The following PIP5K1B variants were observed in gnomAD, a reference collection of about 807,000 sequenced individuals.
PIP5K1B encodes the protein phosphatidylinositol 4-phosphate 5-kinase type-1 beta.
In PIP5K1B, 42 loss-of-function variants were observed where a neutral mutation model predicts 67.0. The observed-to-expected ratio is 0.63, with a 90% confidence interval of 0.49 to 0.81. PIP5K1B has a LOEUF of 0.81. Among genes scored for constraint, PIP5K1B ranks in the 30% least tolerant of loss-of-function variants. The pLI, the probability that PIP5K1B is intolerant of heterozygous loss-of-function variation, is 0.00. For synonymous variants in PIP5K1B, 214 were observed against 231.4 expected (o/e 0.92, Z 0.68); for missense variants, 459 against 646.3 (o/e 0.71, Z 3.14).
At position 68,981,070 on chromosome 9, in the gene PIP5K1B, C is replaced by A. The variant is rs535001083; in HGVS notation, c.1503-10070C>A. ...AGCCAATCTGTGGACAAAGAGGGAG[C>A]AATTTTGTTATAGCTGCAAGATAGG... On this transcript the variant is annotated intron_variant, in intron 14 of 15. Transcript: ENST00000265382. 2.0e-5 allele frequency among the ~76,000 whole-genome samples: 3 copies of A among 152,216 alleles called. No individual in the cohort carries two copies. In the South Asian group the frequency reaches 6.2e-4, roughly 32 times the overall value.
chr9:69,002,549 C>T (rs1425556013), intron 15 of PIP5K1B, among the ~76,000 whole-genome samples: 2 of 152,060 alleles, frequency 1.3e-5, no homozygotes, highest in African/African-American at 4.8e-5. Context: ...ACTACATCCC[C>T]AAATGATTGT....
intron 6 of PIP5K1B, among the ~76,000 whole-genome samples, chr9:68,880,564 C>CACACACACACACACACACACACGCAT (rs1824136234): frequency 1.9e-5 from 1 of 53,354 alleles, no homozygotes; most frequent in Non-Finnish European, 5.1e-5. Flanking sequence ...GAAACACACA[C>CACACACACACACACACACACACGCAT]ACACACACAC....
At chr9:68,778,644 C>T (rs1278902775) in intron 2 of PIP5K1B, among the ~76,000 whole-genome samples, 1 of 152,168 alleles carries the variant, frequency 6.6e-6, no homozygotes, top group Admixed American at 6.5e-5. Context: ...CATCCTTCTG[C>T]CTCCACTCTG....
At chr9:68,726,144 C>A (rs1828137523) in intron 1 of PIP5K1B, among the ~76,000 whole-genome samples, 1 of 152,080 alleles carries the variant, frequency 6.6e-6, no homozygotes, top group African/African-American at 2.4e-5. Flanking sequence ...GTTTGTAACA[C>A]AAAGAAAGGA....
intron 2 of PIP5K1B, among the ~76,000 whole-genome samples, chr9:68,748,582 C>A (rs980250639): frequency 6.6e-6 from 1 of 151,628 alleles, no homozygotes; most frequent in African/African-American, 2.4e-5. Flanking sequence ...GCAGTAGGCA[C>A]CACTCGGCGG....
At chr9:68,773,627 C>T (rs1002486950) in intron 2 of PIP5K1B, among the ~76,000 whole-genome samples, 1 of 152,200 alleles carries the variant, frequency 6.6e-6, no homozygotes, top group Admixed American at 6.5e-5. Context: ...CCCTTTCTAT[C>T]TGTTCACTGT....
At chr9:68,832,894 C>T (rs182591407) in intron 4 of PIP5K1B, among the ~76,000 whole-genome samples, 2 of 152,358 alleles carry the variant, frequency 1.3e-5, no homozygotes, top group Non-Finnish European at 2.9e-5. Context: ...GAAATGTAGA[C>T]TGTCTGGGTA....
At chr9:68,771,355 A>G (rs1303730117) in intron 2 of PIP5K1B, among the ~76,000 whole-genome samples, 1 of 152,212 alleles carries the variant, frequency 6.6e-6, no homozygotes, top group Non-Finnish European at 1.5e-5. Context: ...TCTTTCTGAT[A>G]AGCAGAATGG....
At chr9:68,709,078 T>C (rs1024059097) in intron 1 of PIP5K1B, among the ~76,000 whole-genome samples, 1 of 152,198 alleles carries the variant, frequency 6.6e-6, no homozygotes, top group Non-Finnish European at 1.5e-5. Context: ...AGTTCTATGG[T>C]GAAGGTACAG....
At chr9:68,976,315 TTTAG>T (rs1178415894) in intron 14 of PIP5K1B, among the ~76,000 whole-genome samples, 1 of 152,212 alleles carries the variant, frequency 6.6e-6, no homozygotes, top group Non-Finnish European at 1.5e-5. Context: ...GATCTCAAAC[TTTAG>T]TTAGAGAAGA....
chr9:68,873,173 A>G (rs1823709985), intron 5 of PIP5K1B, among the ~76,000 whole-genome samples: 1 of 151,264 alleles, frequency 6.6e-6, no homozygotes, highest in Non-Finnish European at 1.5e-5. Flanking sequence ...TCTCGGTGAC[A>G]TTTATTTTAT....
intron 4 of PIP5K1B, among the ~76,000 whole-genome samples, chr9:68,850,684 A>C (rs897661630): frequency 4.6e-5 from 7 of 152,252 alleles, no homozygotes; most frequent in Admixed American, 1.3e-4. Flanking sequence ...CTACCAGGAA[A>C]TCAAACATGC....
intron 6 of PIP5K1B, among the ~76,000 whole-genome samples, chr9:68,878,555 G>C (rs1442489032): frequency 6.6e-6 from 1 of 152,162 alleles, no homozygotes; most frequent in East Asian, 1.9e-4. Flanking sequence ...CCTGTACCTA[G>C]CAAAAGGTAA....
At chr9:68,907,486 T>G (rs1825672593) in intron 8 of PIP5K1B, among the ~76,000 whole-genome samples, 1 of 152,110 alleles carries the variant, frequency 6.6e-6, no homozygotes, top group Non-Finnish European at 1.5e-5. Context: ...CCAAATGATT[T>G]TTTTTTCTAA....
At chr9:68,851,807 A>G (rs1422301114) in intron 4 of PIP5K1B, among the ~76,000 whole-genome samples, 2 of 152,224 alleles carry the variant, frequency 1.3e-5, no homozygotes, top group Non-Finnish European at 2.9e-5. Flanking sequence ...TAACTGGTCC[A>G]CCAGAGTTTG....
At chr9:68,996,296 A>G (rs1830598838) in intron 15 of PIP5K1B, among the ~76,000 whole-genome samples, 1 of 152,198 alleles carries the variant, frequency 6.6e-6, no homozygotes, top group Non-Finnish European at 1.5e-5. Flanking sequence ...TAATTGTTCC[A>G]TCATCCTTAG....
At chr9:68,715,012 T>C (rs1051401159) in intron 1 of PIP5K1B, among the ~76,000 whole-genome samples, 3 of 152,110 alleles carry the variant, frequency 2.0e-5, no homozygotes, top group Non-Finnish European at 4.4e-5. Flanking sequence ...CCACCTGTGG[T>C]CTAGGAATAA....
intron 2 of PIP5K1B, among the ~76,000 whole-genome samples, chr9:68,769,135 AAAG>A (rs1403565931): frequency 1.3e-5 from 2 of 152,208 alleles, no homozygotes; most frequent in African/African-American, 2.4e-5. Flanking sequence ...AAAAATTGAA[AAAG>A]AAGATTGAGA....
intron 12 of PIP5K1B, among the ~76,000 whole-genome samples, chr9:68,928,803 C>T (rs1301829193): frequency 6.6e-6 from 1 of 152,164 alleles, no homozygotes; most frequent in Non-Finnish European, 1.5e-5. Flanking sequence ...TTTATCATGA[C>T]CTATAATGAC....
Sources: allele counts gnomAD v4.1 joint callset (sites outside exome capture counted in the v4.1 genomes callset), GRCh38; gene constraint gnomAD v4.1.1; transcripts MANE v1.5; gene names NCBI Gene and HGNC (gene_info 2026-07-23, HGNC 2026-07-21).